EIPR1: variants seen among roughly 807,000 people sequenced by gnomAD.
EIPR1 encodes EARP complex and GARP complex interacting protein 1.
Under a neutral mutation model 48.1 loss-of-function variants are expected in EIPR1, and 25 were observed. The ratio of observed to expected loss-of-function variants is 0.52; its 90% CI spans 0.38 to 0.73. EIPR1 has a LOEUF of 0.73. EIPR1 is among the 30% of genes least tolerant of loss of function. The pLI is 0.00. For synonymous variants in EIPR1, 204 were observed against 201.9 expected, an observed-to-expected ratio of 1.01 and a Z score of -0.09; for missense variants, 415 against 506.2, an observed-to-expected ratio of 0.82 and a Z score of 1.73.
intron 1 of EIPR1, among the ~76,000 whole-genome samples, chr2:3,357,171 C>G (rs1041887716): frequency 2.0e-5 from 3 of 152,236 alleles, no homozygotes; most frequent in Non-Finnish European, 4.4e-5. Context: ...ATTCTGCATT[C>G]AGGGCCCTTG....
intron 5 of EIPR1, among the ~76,000 whole-genome samples, chr2:3,205,913 G>A (rs1235810606): frequency 1.3e-5 from 2 of 152,204 alleles, no homozygotes; most frequent in African/African-American, 4.8e-5. Flanking sequence ...GCACGTGGCA[G>A]GCATCTTAAA....
intron 3 of EIPR1, among the ~76,000 whole-genome samples, chr2:3,306,954 T>A (rs1158314435): frequency 6.8e-6 from 1 of 148,008 alleles, no homozygotes; most frequent in East Asian, 1.9e-4. Context: ...AACTCCAATC[T>A]TTTTATTTTT....
rs756505593 is a variant in EIPR1 at position 3,214,158 on chromosome 2, G to T, written c.507C>A (p.Ser169Arg). 3 of 1,613,138 alleles carry T rather than the reference G, an allele frequency of 1.9e-6. No homozygotes were observed. The highest frequency in any genetic ancestry group is 3.3e-5 in the Admixed American group (2 of 59,924). The change falls in exon 5 of 9, where the codon AGC (serine) becomes AGA (arginine). Residue 169 changes from serine (S) to arginine (R), a missense_variant. Physicochemically the swap from Ser to Arg is moderately radical, Grantham distance 110 (BLOSUM62 -1). Transcript: ENST00000382125. Reference protein sequence around the residue: ...ILLWDLQESSSQAVLASSASL... With the variant: ...ILLWDLQESSRQAVLASSASL... Reference sequence around the variant, plus strand: ...TGTTGCTTTTACTTACCACAGCCTGGCTCGAGCTTTCCTGTAAATCCCACA... The same window carrying T: ...TGTTGCTTTTACTTACCACAGCCTGTCTCGAGCTTTCCTGTAAATCCCACA...
chr2:3,203,947 C>A (rs549197661), intron 5 of EIPR1, among the ~76,000 whole-genome samples: 1 of 152,302 alleles, frequency 6.6e-6, no homozygotes, highest in East Asian at 1.9e-4. Flanking sequence ...CAGCCTCATG[C>A]GAGGGAGGCT....
At chr2:3,287,321 CACACTCCAGAAAGCTCGTTCACT>C (rs1558274675) in intron 3 of EIPR1, among the ~76,000 whole-genome samples, 56 of 142,542 alleles carry the variant, frequency 3.9e-4, no homozygotes, top group Middle Eastern at 4.3e-3. Flanking sequence ...GCTCGTTCAC[CACACTCCAGAAAGCTCGTTCACT>C]GCGCTCCAGA....
chr2:3,208,819 C>G, intron 5 of EIPR1: 1 of 1,550,174 alleles, frequency 6.5e-7, no homozygotes, highest in Non-Finnish European at 8.7e-7. Context: ...GTGAGTGAGG[C>G]CCGTGGCAGG....
intron 2 of EIPR1, among the ~76,000 whole-genome samples, chr2:3,339,443 A>T (rs1310184498): frequency 6.6e-6 from 1 of 152,178 alleles, no homozygotes; most frequent in Admixed American, 6.5e-5. Context: ...TGGCCCTTTC[A>T]TTATTTCCAA....
chr2:3,337,518 A>G (rs1213041347), intron 3 of EIPR1, among the ~76,000 whole-genome samples: 2 of 152,180 alleles, frequency 1.3e-5, no homozygotes, highest in Non-Finnish European at 2.9e-5. Context: ...AGCAACTCAG[A>G]CATCTGCATT....
At chr2:3,327,488 C>A (rs4854119) in intron 3 of EIPR1, among the ~76,000 whole-genome samples, 1 of 151,986 alleles carries the variant, frequency 6.6e-6, no homozygotes, top group Non-Finnish European at 1.5e-5. Flanking sequence ...TGGCCCTTTT[C>A]CATTTTTAAA....
intron 3 of EIPR1, among the ~76,000 whole-genome samples, chr2:3,285,511 C>T (rs1258831541): frequency 6.6e-6 from 1 of 152,222 alleles, no homozygotes; most frequent in African/African-American, 2.4e-5. Flanking sequence ...TGCTTGTTTT[C>T]TTTCAGAAGT....
rs113194043 is a variant in EIPR1 at position 3,204,573 on chromosome 2, T to A, written c.517-7556A>T. The stretch of plus-strand genomic sequence containing the variant: ...TCAGTGCTTCCTGGTCCAAAAGGAA[T>A]GATTAAAGGCGCCCACAAAACTTTC... On this transcript the variant is annotated intron_variant, in intron 5 of 8. Transcript: ENST00000382125. 8.2e-3 allele frequency among the ~76,000 whole-genome samples: 1,254 copies of A among 152,330 alleles called. 17 individuals are homozygous for A. Among genetic ancestry groups the A allele is most frequent in the African/African-American group, 0.029 (1,197 of 41,564 alleles).
In EIPR1 at chr2:3,189,141, G is replaced by A. The variant is rs8136; in HGVS notation, c.*193C>T. On this transcript the variant is annotated 3_prime_UTR_variant, in exon 9 of 9. Transcript: ENST00000382125. The surrounding 1 kb of genome is among the most constrained non-coding windows in gnomAD (Gnocchi z 4.6). The stretch of plus-strand genomic sequence containing the variant: ...GTCTCTGCCGACAGGGGCTGGGTTC[G>A]GGCATTAGCTGTGCCGTCGACAATA... 12,582 of 460,800 alleles carry A rather than the reference G, an allele frequency of 0.027. 229 individuals carry two copies. Among genetic ancestry groups the A allele is most frequent in the Non-Finnish European group, 0.038 (10,247 of 272,082 alleles). The allele number at this position is 460,800 out of a possible 1,614,324, so 28.5% of individuals were successfully genotyped here. A position where few individuals can be genotyped will look rare whatever the true frequency, so the allele number is the denominator to read the frequency against.
intron 2 of EIPR1, among the ~76,000 whole-genome samples, chr2:3,350,468 T>C (rs1670539529): frequency 6.6e-6 from 1 of 152,172 alleles, no homozygotes; most frequent in Non-Finnish European, 1.5e-5. Context: ...GATTTGGGTA[T>C]GGACACAGGG....
At chr2:3,198,309 C>T (rs1869419) in intron 5 of EIPR1, among the ~76,000 whole-genome samples, 132,520 of 151,744 alleles carry the variant, frequency 0.87, 58,379 homozygotes, top group Middle Eastern at 0.92. Flanking sequence ...CCCCCCAGTC[C>T]TATGCAAATG....
chr2:3,360,470 G>A (rs1431679039), intron 1 of EIPR1, among the ~76,000 whole-genome samples: 1 of 151,898 alleles, frequency 6.6e-6, no homozygotes, highest in Non-Finnish European at 1.5e-5. Context: ...CAAATTTCTA[G>A]TCTGCCACCA....
intron 4 of EIPR1, among the ~76,000 whole-genome samples, chr2:3,236,992 A>T (rs1410755387): frequency 6.6e-6 from 1 of 152,130 alleles, no homozygotes; most frequent in Non-Finnish European, 1.5e-5. Context: ...TTAACACACG[A>T]GAAAAACAAA....
intron 4 of EIPR1, among the ~76,000 whole-genome samples, chr2:3,251,551 C>A (rs1667000829): frequency 6.6e-6 from 1 of 152,140 alleles, no homozygotes; most frequent in African/African-American, 2.4e-5. Flanking sequence ...AAATAACTAC[C>A]TGTAAATCTG....
intron 3 of EIPR1, among the ~76,000 whole-genome samples, chr2:3,259,904 T>C (rs185962358): frequency 6.6e-6 from 1 of 152,310 alleles, no homozygotes; most frequent in Admixed American, 6.5e-5. Context: ...TCCTACCTCA[T>C]AACATACTCA....
At chr2:3,297,588 G>A (rs1668641085) in intron 3 of EIPR1, among the ~76,000 whole-genome samples, 1 of 152,246 alleles carries the variant, frequency 6.6e-6, no homozygotes. Context: ...CCAAGGGACG[G>A]CAAACTTTTT....
Sources: allele counts gnomAD v4.1 joint callset (sites outside exome capture counted in the v4.1 genomes callset), GRCh38; gene constraint gnomAD v4.1.1; non-coding constraint Gnocchi (gnomAD v3.1); transcripts MANE v1.5; gene names NCBI Gene and HGNC (gene_info 2026-07-23, HGNC 2026-07-21).